GFRA2: variants seen among roughly 807,000 people sequenced by gnomAD.
GFRA2 encodes GDNF family receptor alpha 2.
A neutral mutation model predicts 48.3 loss-of-function variants in GFRA2; 17 were observed. That is an observed-to-expected ratio of 0.35 (90% CI 0.24 to 0.53). The LOEUF (loss-of-function observed/expected upper bound fraction) is 0.53. Among genes scored for constraint, GFRA2 ranks in the 20% least tolerant of loss-of-function variants. The pLI, the probability that GFRA2 is intolerant of heterozygous loss-of-function variation, is 0.93. For missense variants in GFRA2, 660 were observed against 637.3 expected (o/e 1.04, Z -0.38); for synonymous variants, 305 against 257.2 (o/e 1.19, Z -1.78).
At chr8:21,705,738 A>G (rs1306493517) in intron 5 of GFRA2, among the ~76,000 whole-genome samples, 194 bp downstream of exon 5, 4 of 152,158 alleles carry the variant, frequency 2.6e-5, no homozygotes, top group African/African-American at 4.8e-5. Flanking sequence ...CCCCATGATA[A>G]AGAGCTAGGT....
rs948188809 is a variant in GFRA2 at position 21,782,984 on chromosome 8, G to T, written c.41-85C>A. The stretch of plus-strand genomic sequence containing the variant: ...ATGCAGGCCTGGGGGCTTGGGCCCT[G>T]CTGGGAACGTCACACCCATTTCGCC... On this transcript the variant is annotated intron_variant, in intron 1 of 8. Transcript: ENST00000524240. 74 of 1,299,970 alleles carry T rather than the reference G, an allele frequency of 5.7e-5. No individual in the cohort carries two copies. The African/African-American group carries it at 8.8e-4, about 15-fold the overall frequency. The allele number at this position is 1,299,970 out of a possible 1,614,324, so 80.5% of individuals were successfully genotyped here.
At chr8:21,718,153 AGTAGCAGGTAACT>A (rs1169143714) in intron 4 of GFRA2, among the ~76,000 whole-genome samples, 1 of 152,220 alleles carries the variant, frequency 6.6e-6, no homozygotes, top group Admixed American at 6.5e-5. Context: ...GGAGGGACCC[AGTAGCAGGTAACT>A]GAATCATGGA....
intron 4 of GFRA2, among the ~76,000 whole-genome samples, chr8:21,718,084 G>A (rs1296825851): frequency 6.6e-6 from 1 of 152,190 alleles, no homozygotes; most frequent in East Asian, 1.9e-4. Flanking sequence ...ATTGCATACT[G>A]TCTGATAGGT....
chr8:21,702,049 C>T (rs540870433), intron 7 of GFRA2, among the ~76,000 whole-genome samples: 11 of 152,310 alleles, frequency 7.2e-5, no homozygotes, highest in African/African-American at 2.4e-4. Context: ...ACAGATGGCA[C>T]AGCCCCGACT....
intron 1 of GFRA2, chr8:21,783,146 G>A: frequency 3.0e-6 from 2 of 668,694 alleles, no homozygotes; most frequent in South Asian, 3.0e-5. Context: ...CCTGGGCCTA[G>A]GAGCACAGCA....
upstream of GFRA2, among the ~76,000 whole-genome samples, chr8:21,792,205 C>T (rs369664525): frequency 9.3e-4 from 142 of 152,338 alleles, 1 homozygote; most frequent in East Asian, 0.026. Flanking sequence ...GAGGGGAGGG[C>T]GTTGCAGCCC....
intron 4 of GFRA2, among the ~76,000 whole-genome samples, chr8:21,723,018 T>C (rs1803681539): frequency 6.6e-6 from 1 of 152,212 alleles, no homozygotes; most frequent in Admixed American, 6.5e-5. Flanking sequence ...TGGGTCCCTC[T>C]GGATTCGTTA....
chr8:21,714,796 G>A (rs74825236), intron 4 of GFRA2, among the ~76,000 whole-genome samples: 3,466 of 152,234 alleles, frequency 0.023, 120 homozygotes, highest in African/African-American at 0.079. Context: ...GGCCAGGTAC[G>A]GTGGCTGACA....
At chr8:21,757,506 C>CTTTTTTTTTTTTTTTTTTTTTTTT (rs5889999) in intron 3 of GFRA2, among the ~76,000 whole-genome samples, 4 of 145,732 alleles carry the variant, frequency 2.7e-5, no homozygotes, top group Non-Finnish European at 6.0e-5. Context: ...TTCCTTAATC[C>CTTTTTTTTTTTTTTTTTTTTTTTT]TTTTTTTTGA....
chr8:21,698,616 G>A (rs532121300), intron 7 of GFRA2, among the ~76,000 whole-genome samples: 114 of 152,204 alleles, frequency 7.5e-4, no homozygotes, highest in Non-Finnish European at 1.4e-3. Flanking sequence ...TCCCTGACCT[G>A]CACCATCCCC....
chr8:21,763,141 G>T (rs942571718), intron 3 of GFRA2, among the ~76,000 whole-genome samples: 1 of 152,006 alleles, frequency 6.6e-6, no homozygotes, highest in African/African-American at 2.4e-5. Context: ...AAGACCATTT[G>T]CAAAAATCTT....
intron 3 of GFRA2, among the ~76,000 whole-genome samples, chr8:21,753,226 G>A (rs1805384626): frequency 6.6e-6 from 1 of 152,206 alleles, no homozygotes; most frequent in Non-Finnish European, 1.5e-5. Context: ...ACCACACACG[G>A]CTGCTGAACC....
chr8:21,738,284 C>T (rs1804581987), intron 4 of GFRA2, among the ~76,000 whole-genome samples: 1 of 148,912 alleles, frequency 6.7e-6, no homozygotes, highest in Non-Finnish European at 1.5e-5. Flanking sequence ...CACCAGGCCA[C>T]AGACCTTAGC....
At position 21,691,094 on chromosome 8, in the gene GFRA2, G is replaced by C. The variant is rs922632395; in HGVS notation, c.*2184C>G. ...TACAACCAGAAGCAAAAGCCATTGA[G>C]GGGACCTGCGATTGGGAGATGGGAA... On this transcript the variant is annotated 3_prime_UTR_variant, in exon 9 of 9. Transcript: ENST00000524240. 6.6e-6 allele frequency: 1 copy of C among 152,236 alleles called. No individual in the cohort carries two copies. Among genetic ancestry groups the C allele is most frequent in the Non-Finnish European group, 1.5e-5 (1 of 68,054 alleles). 9.4% of individuals were successfully genotyped at this position (152,236 alleles called of 1,614,324 possible).
chr8:21,709,280 C>A (rs1413124466), intron 4 of GFRA2, among the ~76,000 whole-genome samples: 2 of 152,236 alleles, frequency 1.3e-5, no homozygotes, highest in African/African-American at 4.8e-5. Flanking sequence ...GTGTGGATTT[C>A]TTCCGTTTCC....
chr8:21,755,666 G>A (rs544908942), intron 3 of GFRA2, among the ~76,000 whole-genome samples: 7 of 152,240 alleles, frequency 4.6e-5, no homozygotes, highest in African/African-American at 1.7e-4. Flanking sequence ...CCTGGAAGCA[G>A]TGACATCACT....
chr8:21,757,546 T>C (rs1805634943), intron 3 of GFRA2, among the ~76,000 whole-genome samples: 1 of 150,914 alleles, frequency 6.6e-6, no homozygotes. Flanking sequence ...CACGTTGTAG[T>C]GCAGTGGCAT....
chr8:21,792,785 C>T (rs1807598539), upstream of GFRA2, among the ~76,000 whole-genome samples: 1 of 152,200 alleles, frequency 6.6e-6, no homozygotes, highest in African/African-American at 2.4e-5. Flanking sequence ...TCTCAGGAGG[C>T]TGGGTGTGGT....
intron 4 of GFRA2, among the ~76,000 whole-genome samples, chr8:21,725,988 G>C (rs1803851394): frequency 6.6e-6 from 1 of 152,204 alleles, no homozygotes; most frequent in African/African-American, 2.4e-5. Flanking sequence ...GTGTCCCCCT[G>C]AGCTAGGAGC....
Sources: gnomAD v4.1 joint callset for allele counts (sites outside exome capture counted in the v4.1 genomes callset) on GRCh38, gnomAD v4.1.1 for gene constraint, MANE v1.5 for transcripts, NCBI Gene and HGNC (gene_info 2026-07-23, HGNC 2026-07-21) for gene names.